Variants in DIS3L observed in about 807,000 individuals in gnomAD.
DIS3L encodes the protein DIS3 like exosome 3'-5' exoribonuclease.
A neutral mutation model predicts 120.3 loss-of-function variants in DIS3L; 100 were observed. The ratio of observed to expected loss-of-function variants is 0.83; its 90% CI spans 0.71 to 0.98. DIS3L has a LOEUF of 0.98. Among genes scored for constraint, DIS3L ranks in the 50% least tolerant of loss-of-function variants. DIS3L has a pLI of 0.00. For synonymous variants in DIS3L, 426 were observed against 470.6 expected, an observed-to-expected ratio of 0.91 and a Z score of 1.23; for missense variants, 1,196 against 1,314.2, an observed-to-expected ratio of 0.91 and a Z score of 1.39.
At chr15:66,318,750 C>A in intron 8 of DIS3L, 132 bp downstream of exon 8, 2 of 994,274 alleles carry the variant, frequency 2.0e-6, no homozygotes, top group Non-Finnish European at 2.9e-6. Flanking sequence ...TGGCATCTGG[C>A]ATTCCAAGAT....
intron 12 of DIS3L, 82 bp downstream of exon 12, chr15:66,326,446 A>C: frequency 7.0e-7 from 1 of 1,434,092 alleles, no homozygotes; most frequent in Non-Finnish European, 9.3e-7. Context: ...AAAATGTGAC[A>C]GCCAGATCTT....
chr15:66,313,789 GTA>G (rs930105767), intron 5 of DIS3L, among the ~76,000 whole-genome samples: 57 of 150,154 alleles, frequency 3.8e-4, no homozygotes, highest in Admixed American at 6.0e-4. Flanking sequence ...ATGTGTGTGT[GTA>G]TATATATATG....
chr15:66,318,786 T>C (rs569526523), intron 8 of DIS3L, among the ~76,000 whole-genome samples, 168 bp downstream of exon 8: 1 of 152,126 alleles, frequency 6.6e-6, no homozygotes, highest in African/African-American at 2.4e-5. Context: ...TTGGGGTTTT[T>C]TTGTTGTTGT....
In DIS3L at chr15:66,315,155, T is replaced by C. The variant is rs2092804315; in HGVS notation, c.934T>C (p.Cys312Arg). ...NEWKGRTVAL[C>R]ENDCDDKASG... ...ATGGAAAGGAAGAACCGTAGCCCTGTGTGAGAATGACTGTGACGACAAGGC... is the reference window on the plus strand; with the variant it reads ...ATGGAAAGGAAGAACCGTAGCCCTGCGTGAGAATGACTGTGACGACAAGGC... The change falls in exon 7 of 17, where the codon TGT becomes CGT. Residue 312 changes from cysteine to arginine, a missense_variant. Transcript: ENST00000319212. 1 of 1,613,916 alleles carries C rather than the reference T, an allele frequency of 6.2e-7. No homozygotes were observed. The highest frequency in any genetic ancestry group is 1.3e-5 in the African/African-American group (1 of 74,888).
At chr15:66,299,944 G>C (rs927655506) in intron 2 of DIS3L, among the ~76,000 whole-genome samples, 1 of 151,040 alleles carries the variant, frequency 6.6e-6, no homozygotes, top group East Asian at 2.0e-4. Context: ...CTAGCTACTC[G>C]GGAGACTGAG....
chr15:66,309,857 G>A (rs1595731112), intron 4 of DIS3L, among the ~76,000 whole-genome samples: 1 of 152,188 alleles, frequency 6.6e-6, no homozygotes, highest in Admixed American at 6.5e-5. Context: ...TAAATGAAAG[G>A]GTTGAGATGT....
chr15:66,304,230 C>T lies in DIS3L; in HGVS notation c.294-2594C>T, dbSNP rs535994869. 3.3e-3 allele frequency among the ~76,000 whole-genome samples: 501 copies of T among 151,916 alleles called. 3 individuals are homozygous for T. The highest frequency in any genetic ancestry group is 6.8e-3 in the Middle Eastern group (2 of 294). ...CTTTGGGAGGCCAAGGCAGGAGGAT[C>T]GATTGAGCCCAGGAGTTTGAGATCA... On this transcript the variant is annotated intron_variant, in intron 2 of 16. Coordinates refer to ENST00000319212, the MANE Select transcript of DIS3L (RefSeq NM_001143688.3).
intron 2 of DIS3L, among the ~76,000 whole-genome samples, chr15:66,295,511 T>G (rs1305149770): frequency 2.6e-5 from 4 of 152,248 alleles, no homozygotes; most frequent in Non-Finnish European, 4.4e-5. Context: ...GCATACGTTC[T>G]TTTCTTGGGG....
intron 2 of DIS3L, among the ~76,000 whole-genome samples, chr15:66,302,760 G>A (rs573020827): frequency 6.6e-6 from 1 of 152,254 alleles, no homozygotes; most frequent in East Asian, 1.9e-4. Context: ...ACCGAAATGG[G>A]TGGTTCTGTC....
intron 2 of DIS3L, among the ~76,000 whole-genome samples, chr15:66,306,227 G>A (rs868193549): frequency 1.3e-5 from 2 of 152,060 alleles, no homozygotes; most frequent in Admixed American, 6.6e-5. Context: ...CTCCTTCCTC[G>A]GCCATGGGAA....
intron 2 of DIS3L, among the ~76,000 whole-genome samples, chr15:66,302,553 G>A (rs140286974): frequency 6.1e-4 from 93 of 152,278 alleles, no homozygotes; most frequent in Non-Finnish European, 1.0e-3. Flanking sequence ...TGTTCATTTG[G>A]AAAGCATTGA....
intron 4 of DIS3L, among the ~76,000 whole-genome samples, chr15:66,311,376 A>C (rs1365596365): frequency 6.6e-6 from 1 of 152,136 alleles, no homozygotes; most frequent in Non-Finnish European, 1.5e-5. Context: ...AAAAAAGTAC[A>C]TATAGGCCAT....
At position 66,295,020 on chromosome 15, in the gene DIS3L, T is replaced by C; in HGVS notation, c.172T>C (p.Tyr58His). 1 of 1,614,056 alleles carries C rather than the reference T, an allele frequency of 6.2e-7. No homozygotes were observed. The highest frequency in any genetic ancestry group is 8.5e-7 in the Non-Finnish European group (1 of 1,179,942). Residue 58 changes from tyrosine (Y) to histidine (H), a missense_variant, in exon 2 of 17, where the codon TAC (tyrosine) becomes CAC (histidine). Physicochemically the swap from Tyr to His is moderately conservative, Grantham distance 83 (BLOSUM62 2). Coordinates refer to ENST00000319212, the MANE Select transcript of DIS3L (RefSeq NM_001143688.3). The part of the protein sequence containing the change: ...GKLLSSDVTH[Y>H]VIPDWKVVQD... ...ACTCTTGTCTAGTGATGTGACTCAT[T>C]ACGTGATCCCAGACTGGAAAGTTGT... is the stretch of plus-strand genomic sequence containing the variant.
intron 2 of DIS3L, among the ~76,000 whole-genome samples, chr15:66,303,316 T>C (rs1314462787): frequency 6.6e-6 from 1 of 152,144 alleles, no homozygotes; most frequent in Non-Finnish European, 1.5e-5. Flanking sequence ...TACCCAGAAG[T>C]GGGATTACTG....
intron 8 of DIS3L, 21 bp from the exon 9 acceptor site, chr15:66,320,550 T>A (rs753917286): frequency 9.1e-5 from 146 of 1,603,910 alleles, no homozygotes; most frequent in Non-Finnish European, 1.1e-4. Flanking sequence ...CAGCTGTGTT[T>A]TATTTTTTCC....
chr15:66,301,005 C>T lies in DIS3L; in HGVS notation c.294-5819C>T, dbSNP rs139846945. On this transcript the variant is annotated intron_variant, in intron 2 of 16. Coordinates refer to ENST00000319212, the MANE Select transcript of DIS3L (RefSeq NM_001143688.3). ...TCTGCAAAATCCAGGTGATGAAACA[C>T]ATTTAGTACAGAATTCACTTTGTAG... Among the ~76,000 whole-genome samples the T allele has an allele frequency of 4.3e-3, 649 of 152,292 alleles. 7 individuals are homozygous for T. The highest frequency in any genetic ancestry group is 0.015 in the African/African-American group (619 of 41,554).
chr15:66,318,505 T>A lies in DIS3L; in HGVS notation c.1051T>A (p.Ser351Thr). The A allele has an allele frequency of 1.9e-6, 3 of 1,614,012 alleles. No individual in the cohort carries two copies. Among genetic ancestry groups the A allele is most frequent in the African/African-American group, 1.3e-5 (1 of 74,992 alleles). Reference protein sequence around the residue: ...NWRDYVVTFPSKEEVQSQGKN... With the variant: ...NWRDYVVTFPTKEEVQSQGKN... ...GCGGGATTATGTGGTGACATTTCCG[T>A]CCAAAGAAGAGGTCCAATCTCAGGG... The change falls in exon 8 of 17, where the codon TCC becomes ACC. Residue 351 changes from serine to threonine, a missense_variant. Transcript: ENST00000319212.
intron 10 of DIS3L, 25 bp downstream of exon 10, chr15:66,322,959 A>G: frequency 1.9e-6 from 3 of 1,612,494 alleles, no homozygotes; most frequent in Non-Finnish European, 2.5e-6. Context: ...AATCAGCTCT[A>G]TGGTTGTGTG....
In DIS3L at chr15:66,323,367, G is replaced by GA. The variant is rs1269717643; in HGVS notation, c.1575-123dup. On this transcript the variant is annotated intron_variant, in intron 10 of 16. Coordinates refer to ENST00000319212, the MANE Select transcript of DIS3L (RefSeq NM_001143688.3). ...TATTACCCAGTCTGCTGCACTTTAT[G>GA]AAACAGCAACAGCCTTGGGGAATCT... is the stretch of plus-strand genomic sequence containing the variant. 14 of 894,486 alleles carry GA rather than the reference G, an allele frequency of 1.6e-5. No individual in the cohort carries two copies. In the Admixed American group the frequency reaches 2.8e-4, roughly 18 times the overall value. The allele number at this position is 894,486 out of a possible 1,614,324, so 55.4% of individuals were successfully genotyped here. A position where few individuals can be genotyped will look rare whatever the true frequency, so the allele number is the denominator to read the frequency against.
Sources: gnomAD v4.1 joint callset for allele counts (sites outside exome capture counted in the v4.1 genomes callset) on GRCh38, gnomAD v4.1.1 for gene constraint, MANE v1.5 for transcripts, NCBI Gene and HGNC (gene_info 2026-07-23, HGNC 2026-07-21) for gene names.